The following KIAA1217 variants were observed in gnomAD, a reference collection of about 807,000 sequenced individuals.
The protein encoded by KIAA1217 is sickle tail protein homolog.
Under a neutral mutation model 163.9 loss-of-function variants are expected in KIAA1217, and 88 were observed. The observed-to-expected ratio is 0.54, with a 90% CI of 0.45 to 0.64. The LOEUF (loss-of-function observed/expected upper bound fraction) is 0.64. Ranked by LOEUF, KIAA1217 falls within the 30% of genes least tolerant of loss-of-function variation. The probability of loss-of-function intolerance (pLI) is 0.00; values close to 1 mark genes in which losing one functional copy is unlikely to be tolerated. For synonymous variants in KIAA1217, 903 were observed against 923.1 expected, an observed-to-expected ratio of 0.98 and a Z score of 0.39; for missense variants, 2,372 against 2,475.0, an observed-to-expected ratio of 0.96 and a Z score of 0.88.
chr10:24,034,230 C>G (rs1379148343), intron 2 of KIAA1217, among the ~76,000 whole-genome samples: 1 of 152,188 alleles, frequency 6.6e-6, no homozygotes, highest in Middle Eastern at 3.4e-3. Context: ...GATTACATAA[C>G]AAGTGGGGGT....
At chr10:24,182,366 G>A (rs949550519) in intron 2 of KIAA1217, among the ~76,000 whole-genome samples, 4 of 151,904 alleles carry the variant, frequency 2.6e-5, no homozygotes, top group Admixed American at 2.6e-4. Context: ...AACCCGGGGA[G>A]GTGGGGGGAG....
chr10:23,928,637 G>C (rs1285593664), intron 1 of KIAA1217, among the ~76,000 whole-genome samples: 1 of 152,110 alleles, frequency 6.6e-6, no homozygotes, highest in Admixed American at 6.5e-5. Flanking sequence ...AATGAGCAAG[G>C]AATTACACTC....
intron 1 of KIAA1217, among the ~76,000 whole-genome samples, chr10:23,756,731 A>G (rs981875044): frequency 6.6e-6 from 1 of 152,170 alleles, no homozygotes; most frequent in Non-Finnish European, 1.5e-5. Flanking sequence ...TTTTTCACCT[A>G]ATTTTTCCAA....
chr10:23,967,372 T>C (rs1431415235), intron 1 of KIAA1217, among the ~76,000 whole-genome samples: 1 of 151,984 alleles, frequency 6.6e-6, no homozygotes, highest in Non-Finnish European at 1.5e-5. Flanking sequence ...CAAAAACAAA[T>C]AACAGAAGGA....
rs566711314 is a variant in KIAA1217 at position 24,073,070 on chromosome 10, A to AAAAG, written c.-171+65715_-171+65718dup. ...TGAGACTCTGTCTTGAAAAAAAAAA[A>AAAAG]AAAGAAAGAAAGAAAGAAAGAAGCA... On this transcript the variant is annotated intron_variant, in intron 2 of 18. Coordinates refer to the KIAA1217 transcript ENST00000376462. 5.7e-3 allele frequency among the ~76,000 whole-genome samples: 871 copies of AAAAG among 151,908 alleles called. 6 individuals are homozygous for AAAAG. Among genetic ancestry groups the AAAAG allele is most frequent in the African/African-American group, 0.019 (794 of 41,396 alleles).
chr10:24,244,873 C>A (rs879489312), intron 2 of KIAA1217, among the ~76,000 whole-genome samples: 1 of 152,118 alleles, frequency 6.6e-6, no homozygotes, highest in Non-Finnish European at 1.5e-5. Context: ...CCAGCTTATC[C>A]TAACGGCAGG....
chr10:24,319,969 C>G (rs2043927651), intron 2 of KIAA1217, among the ~76,000 whole-genome samples: 1 of 152,148 alleles, frequency 6.6e-6, no homozygotes, highest in Non-Finnish European at 1.5e-5. Context: ...TGATACAATA[C>G]TGTGACAAAA....
At chr10:23,825,512 A>T (rs1837858016) in intron 1 of KIAA1217, among the ~76,000 whole-genome samples, 1 of 152,230 alleles carries the variant, frequency 6.6e-6, no homozygotes. Flanking sequence ...ACTGGCTTTA[A>T]TGAGACTGTA....
At chr10:24,306,343 G>C (rs1329422235) in intron 2 of KIAA1217, among the ~76,000 whole-genome samples, 3 of 152,068 alleles carry the variant, frequency 2.0e-5, no homozygotes, top group African/African-American at 7.2e-5. Context: ...CTAATATTAT[G>C]CAACACTTGT....
intron 2 of KIAA1217, among the ~76,000 whole-genome samples, chr10:24,224,804 T>G (rs2070233297): frequency 6.6e-6 from 1 of 151,470 alleles, no homozygotes; most frequent in Non-Finnish European, 1.5e-5. Flanking sequence ...ATTTTTAAAT[T>G]AGTACTTAAA....
chr10:24,107,566 T>C (rs1053147961), intron 2 of KIAA1217, among the ~76,000 whole-genome samples: 19 of 152,260 alleles, frequency 1.2e-4, no homozygotes, highest in African/African-American at 4.3e-4. Context: ...GACTTTCTAA[T>C]CATAGCCATT....
At chr10:24,210,363 C>G (rs752087209) in intron 1 of KIAA1217, among the ~76,000 whole-genome samples, 1 of 152,102 alleles carries the variant, frequency 6.6e-6, no homozygotes, top group Non-Finnish European at 1.5e-5. Context: ...AGTCATCTGT[C>G]GAAGTGTCTG....
chr10:24,518,484 T>C (rs926170880), intron 10 of KIAA1217, among the ~76,000 whole-genome samples: 1 of 152,198 alleles, frequency 6.6e-6, no homozygotes, highest in Non-Finnish European at 1.5e-5. Context: ...AACAGAATTC[T>C]AGGCAGACTG....
At chr10:24,491,324 C>T (rs2066117999) in intron 6 of KIAA1217, among the ~76,000 whole-genome samples, 1 of 124,450 alleles carries the variant, frequency 8.0e-6, no homozygotes, top group South Asian at 2.8e-4. Flanking sequence ...GAGTCTCGCT[C>T]TGTCTCCCAG....
At chr10:24,501,022 A>G (rs2067506144) in intron 8 of KIAA1217, among the ~76,000 whole-genome samples, 1 of 152,164 alleles carries the variant, frequency 6.6e-6, no homozygotes, top group African/African-American at 2.4e-5. Flanking sequence ...GCTTTTCTCT[A>G]TGCAAACCTG....
chr10:23,993,179 C>T (rs1846298535), intron 1 of KIAA1217, among the ~76,000 whole-genome samples: 1 of 151,172 alleles, frequency 6.6e-6, no homozygotes, highest in Admixed American at 6.6e-5. Context: ...TTACAGGCAC[C>T]AGCCACCACA....
At chr10:24,239,260 C>A (rs1300945173) in intron 2 of KIAA1217, 2 of 985,388 alleles carry the variant, frequency 2.0e-6, no homozygotes, top group East Asian at 1.1e-4. Context: ...ACCCTGGAGT[C>A]CGTTCCAGAC....
intron 2 of KIAA1217, among the ~76,000 whole-genome samples, chr10:24,132,789 A>T (rs1292436535): frequency 1.3e-5 from 2 of 152,220 alleles, no homozygotes; most frequent in East Asian, 3.9e-4. Flanking sequence ...TATTTTCAAA[A>T]AGACACCGGA....
At chr10:24,205,288 C>A (rs1205536344), upstream of KIAA1217, among the ~76,000 whole-genome samples, 1 of 117,356 alleles carries the variant, frequency 8.5e-6, no homozygotes, top group African/African-American at 3.3e-5. Context: ...GAAACCCCGT[C>A]TCTACTAAAA....
Sources: gnomAD v4.1 joint callset for allele counts (sites outside exome capture counted in the v4.1 genomes callset) on GRCh38, gnomAD v4.1.1 for gene constraint, MANE v1.5 for transcripts, NCBI Gene and HGNC (gene_info 2026-07-23, HGNC 2026-07-21) for gene names.